GPC5: variants seen among roughly 807,000 people sequenced by gnomAD.
GPC5 encodes glypican 5.
GPC5 carries 47 observed loss-of-function variants against 53.9 expected under a neutral mutation model. The ratio of observed to expected loss-of-function variants is 0.87; its 90% CI spans 0.69 to 1.11. The LOEUF (loss-of-function observed/expected upper bound fraction) is 1.11, where lower values mean the gene tolerates loss of function less well. Ranked by LOEUF, GPC5 falls within the 50% of genes most tolerant of loss-of-function variation. GPC5 has a pLI of 0.00. For missense variants in GPC5, 748 were observed against 713.1 expected, an observed-to-expected ratio of 1.05 and a Z score of -0.56; for synonymous variants, 286 against 263.3, an observed-to-expected ratio of 1.09 and a Z score of -0.84.
rs565616856 is a variant in GPC5, at chr13:91,637,087, A to G, written c.326-56100A>G. Among the ~76,000 whole-genome samples the G allele has an allele frequency of 3.3e-4, 50 of 152,320 alleles. 1 individual carries two copies. Among genetic ancestry groups the G allele is most frequent in the African/African-American group, 1.1e-3 (46 of 41,584 alleles). On this transcript the variant is annotated intron_variant, in intron 2 of 7. Transcript: ENST00000377067. ...TATTCAAGAAGTTTGACCTTTTACT[A>G]TAAGTTAGAAAATTCCATCTTAAAT...
chr13:91,944,329 C>T (rs1458527435), intron 6 of GPC5, among the ~76,000 whole-genome samples: 1 of 152,154 alleles, frequency 6.6e-6, no homozygotes, highest in African/African-American at 2.4e-5. Flanking sequence ...ATCTCCTGAC[C>T]TCGCGATCCG....
chr13:91,992,278 C>G (rs1313726378), intron 6 of GPC5, among the ~76,000 whole-genome samples: 1 of 152,064 alleles, frequency 6.6e-6, no homozygotes, highest in Non-Finnish European at 1.5e-5. Flanking sequence ...ATCCATCCTC[C>G]CACCTCAGCC....
intron 6 of GPC5, among the ~76,000 whole-genome samples, chr13:92,089,461 G>T (rs544600492): frequency 5.9e-5 from 9 of 151,550 alleles, no homozygotes; most frequent in African/African-American, 2.2e-4. Flanking sequence ...AGCAAACCCA[G>T]AATTGGTTAA....
intron 5 of GPC5, among the ~76,000 whole-genome samples, chr13:91,857,802 C>A (rs1172487140): frequency 6.6e-6 from 1 of 151,312 alleles, no homozygotes; most frequent in African/African-American, 2.4e-5. Flanking sequence ...CACCTCTACT[C>A]TTAGTCTACT....
chr13:91,942,333 G>A (rs1208664520), intron 6 of GPC5, among the ~76,000 whole-genome samples: 1 of 151,852 alleles, frequency 6.6e-6, no homozygotes. Context: ...TACATTTCTT[G>A]TTACAGTCAT....
At chr13:92,309,698 A>G (rs1214451998) in intron 7 of GPC5, among the ~76,000 whole-genome samples, 1 of 152,132 alleles carries the variant, frequency 6.6e-6, no homozygotes, top group Non-Finnish European at 1.5e-5. Context: ...CAATCAAGCT[A>G]ATGAATATAT....
intron 7 of GPC5, among the ~76,000 whole-genome samples, chr13:92,213,471 G>A (rs2139077436): frequency 7.1e-6 from 1 of 141,614 alleles, no homozygotes; most frequent in South Asian, 2.5e-4. Flanking sequence ...AGAAAATGAG[G>A]CCTTATCTTG....
chr13:91,653,706 G>C (rs564473128), intron 2 of GPC5, among the ~76,000 whole-genome samples: 4 of 152,056 alleles, frequency 2.6e-5, no homozygotes, highest in Admixed American at 2.0e-4. Flanking sequence ...TCTTTGTCTA[G>C]TAGTTCCATC....
intron 7 of GPC5, among the ~76,000 whole-genome samples, chr13:92,847,687 G>A (rs1336375838): frequency 6.6e-6 from 1 of 151,806 alleles, no homozygotes; most frequent in African/African-American, 2.4e-5. Context: ...TGTGAGAAGA[G>A]ACTGATACAC....
At chr13:91,614,569 T>A (rs72641474) in intron 2 of GPC5, among the ~76,000 whole-genome samples, 11,568 of 151,812 alleles carry the variant, frequency 0.076, 577 homozygotes, top group Non-Finnish European at 0.11. Flanking sequence ...TAGAGATGAA[T>A]GATCCTCTTC....
intron 2 of GPC5, among the ~76,000 whole-genome samples, chr13:91,675,203 G>A (rs2035354645): frequency 6.6e-6 from 1 of 150,670 alleles, no homozygotes; most frequent in African/African-American, 2.4e-5. Context: ...GAAAATGGTA[G>A]AAAAGACAAA....
At chr13:92,221,040 T>G (rs2139087644) in intron 7 of GPC5, among the ~76,000 whole-genome samples, 1 of 152,286 alleles carries the variant, frequency 6.6e-6, no homozygotes, top group South Asian at 2.1e-4. Context: ...TGGTTCAACC[T>G]GTCTGGATAG....
At chr13:91,958,484 A>G (rs2040094949) in intron 6 of GPC5, among the ~76,000 whole-genome samples, 1 of 152,028 alleles carries the variant, frequency 6.6e-6, no homozygotes, top group South Asian at 2.1e-4. Flanking sequence ...TAGACAGAAA[A>G]TTAGCAAAGA....
intron 7 of GPC5, among the ~76,000 whole-genome samples, chr13:92,256,074 C>T (rs1310065018): frequency 2.0e-5 from 3 of 151,758 alleles, no homozygotes; most frequent in African/African-American, 7.3e-5. Flanking sequence ...TAAAATATTG[C>T]CGTATCTATA....
chr13:91,792,702 G>A (rs977482405), intron 5 of GPC5, among the ~76,000 whole-genome samples: 14 of 152,148 alleles, frequency 9.2e-5, no homozygotes, highest in Admixed American at 3.3e-4. Context: ...CTGTTTCTAA[G>A]TAACAGTTCA....
At chr13:91,939,914 AC>A (rs1172611715) in intron 6 of GPC5, among the ~76,000 whole-genome samples, 1 of 152,086 alleles carries the variant, frequency 6.6e-6, no homozygotes, top group East Asian at 1.9e-4. Flanking sequence ...CAACTCTTTT[AC>A]CCCATTGGTT....
intron 5 of GPC5, among the ~76,000 whole-genome samples, chr13:91,818,124 C>T (rs189104552): frequency 1.5e-3 from 228 of 152,262 alleles, no homozygotes; most frequent in Non-Finnish European, 2.7e-3. Context: ...AACAGCATTA[C>T]CTACCACATA....
At chr13:92,487,431 T>C (rs772766345) in intron 7 of GPC5, among the ~76,000 whole-genome samples, 9 of 152,290 alleles carry the variant, frequency 5.9e-5, no homozygotes, top group Non-Finnish European at 1.0e-4. Flanking sequence ...AATTGCATTG[T>C]CATGATTCAC....
intron 5 of GPC5, among the ~76,000 whole-genome samples, chr13:91,868,514 G>T (rs1270004131): frequency 6.6e-6 from 1 of 152,058 alleles, no homozygotes; most frequent in Non-Finnish European, 1.5e-5. Flanking sequence ...AGACCAGACT[G>T]GGTAATATAG....
Sources: gnomAD v4.1 joint callset for allele counts (sites outside exome capture counted in the v4.1 genomes callset) on GRCh38, gnomAD v4.1.1 for gene constraint, MANE v1.5 for transcripts, NCBI Gene and HGNC (gene_info 2026-07-23, HGNC 2026-07-21) for gene names.